The following ZNF320 variants were observed in gnomAD, a reference collection of about 807,000 sequenced individuals.
The protein encoded by ZNF320 is zinc finger gene 320.
Under a neutral mutation model 6.8 loss-of-function variants are expected in ZNF320, and 2 were observed. The observed-to-expected ratio is 0.29, with a 90% CI of 0.12 to 0.93. ZNF320 has a LOEUF of 0.93. Ranked by LOEUF, ZNF320 falls within the 40% of genes least tolerant of loss-of-function variation. The pLI is 0.55. For missense variants in ZNF320, 472 were observed against 611.0 expected (o/e 0.77, Z 2.40); for synonymous variants, 208 against 203.2 (o/e 1.02, Z -0.20).
the ZNF320 span, among the ~76,000 whole-genome samples, chr19:52,904,215 T>C: frequency 3.9e-5 from 6 of 152,240 alleles, no homozygotes; most frequent in South Asian, 2.1e-4. Flanking sequence ...AGGCATTCCA[T>C]TGGGGCAATT....
chr19:52,891,097 C>G (rs909220471), intron 3 of ZNF320, 132 bp downstream of exon 3: 1 of 151,856 alleles, frequency 6.6e-6, no homozygotes, highest in Non-Finnish European at 1.5e-5. Flanking sequence ...TGCAATGGGC[C>G]GAGATCGTGC....
At chr19:52,883,670 C>T (rs867713627) in intron 5 of ZNF320, 2 of 451,434 alleles carry the variant, frequency 4.4e-6, no homozygotes, top group African/African-American at 2.0e-5. Context: ...TAGGCTGAGT[C>T]GGGTGGATCA....
At chr19:52,898,907 G>A (rs895416161), upstream of ZNF320, among the ~76,000 whole-genome samples, 2 of 152,240 alleles carry the variant, frequency 1.3e-5, no homozygotes, top group South Asian at 2.1e-4. Flanking sequence ...TGGCCCCGGG[G>A]CTGCCTGTCT....
chr19:52,859,800 G>T (rs1435504689), downstream of ZNF320, among the ~76,000 whole-genome samples: 2 of 150,850 alleles, frequency 1.3e-5, no homozygotes, highest in Non-Finnish European at 3.0e-5. Context: ...CAGGTAAACT[G>T]TTTTTTTTTA....
downstream of ZNF320, among the ~76,000 whole-genome samples, chr19:52,875,464 G>A (rs544095281): frequency 8.5e-4 from 130 of 152,278 alleles, no homozygotes; most frequent in African/African-American, 3.0e-3. Flanking sequence ...GTCTAATCCC[G>A]TTTTTCCATT....
chr19:52,884,945 C>T (rs2064029735), intron 5 of ZNF320, among the ~76,000 whole-genome samples: 1 of 152,056 alleles, frequency 6.6e-6, no homozygotes, highest in African/African-American at 2.4e-5. Context: ...GCATGGTAAT[C>T]CCAGCATTTT....
At position 52,881,085 on chromosome 19, in the gene ZNF320, A is replaced by G. The variant is rs753436135; in HGVS notation, c.1041T>C (p.His347=). The G allele has an allele frequency of 3.1e-6, 5 of 1,613,946 alleles. No homozygotes were observed. Among genetic ancestry groups the G allele is most frequent in the East Asian group, 4.5e-5 (2 of 44,882 alleles). The change falls in exon 6 of 6, where the codon CAT becomes CAC. Residue 347 remains histidine, a synonymous_variant. Coordinates refer to ENST00000682928, the MANE Select transcript of ZNF320 (RefSeq NM_001351774.2). ...GTTTCTCTCCAGTATGAATCCTCCT[A>G]TGTCTTTCAAGATGTGATTTGCGAC... ...VFSRKSHLER[H]RRIHTGEKPY...
Position 52,881,013 on chromosome 19 carries a change from A to C in ZNF320, c.1113T>G (p.Arg371=), listed in dbSNP as rs1436320841. The change falls in exon 6 of 6, where the codon CGT becomes CGG. Residue 371 remains arginine (R), a synonymous_variant. Transcript: ENST00000682928. ...TATGAACTCTCTGATGTTCTGCAAGACGTGAATCACTCCGGAAAGCCTTGT... is the reference window on the plus strand; with the variant it reads ...TATGAACTCTCTGATGTTCTGCAAGCCGTGAATCACTCCGGAAAGCCTTGT... ...VCDKAFRSDS[R]LAEHQRVHTG... 1 of 1,612,984 alleles carries C rather than the reference A, an allele frequency of 6.2e-7. No homozygotes were observed. Among genetic ancestry groups the C allele is most frequent in the Admixed American group, 1.7e-5 (1 of 59,926 alleles).
At chr19:52,888,008 T>G in intron 5 of ZNF320, 119 bp downstream of exon 5, 1 of 1,492,074 alleles carries the variant, frequency 6.7e-7, no homozygotes, top group South Asian at 1.3e-5. Flanking sequence ...AGCTTTTCAT[T>G]TCAAAATCAA....
At chr19:52,887,199 G>C (rs2064119657) in intron 5 of ZNF320, among the ~76,000 whole-genome samples, 1 of 152,002 alleles carries the variant, frequency 6.6e-6, no homozygotes, top group Non-Finnish European at 1.5e-5. Context: ...GCCCATCTGA[G>C]CTCTTACCTG....
At chr19:52,870,156 C>G (rs1005661089) in intron 5 of ZNF320, among the ~76,000 whole-genome samples, 11 of 152,058 alleles carry the variant, frequency 7.2e-5, no homozygotes, top group Non-Finnish European at 1.6e-4. Flanking sequence ...TTACTATTAA[C>G]TCATTATTGT....
At chr19:52,869,126 T>C (rs10406919) in intron 5 of ZNF320, among the ~76,000 whole-genome samples, 2,343 of 147,014 alleles carry the variant, frequency 0.016, 29 homozygotes, top group African/African-American at 0.047. Context: ...ATAATTCCAC[T>C]AGGATAGACC....
chr19:52,874,970 G>T (rs1188683894), downstream of ZNF320, among the ~76,000 whole-genome samples: 3 of 152,166 alleles, frequency 2.0e-5, no homozygotes, highest in African/African-American at 7.2e-5. Flanking sequence ...ACAGGCAGGA[G>T]ATGAAGTCAG....
rs977854485 is a variant in ZNF320 at position 52,877,019 on chromosome 19, A to T, written c.*3577T>A. 1 of 152,176 alleles carries T rather than the reference A, an allele frequency of 6.6e-6. No individual in the cohort carries two copies. The highest frequency in any genetic ancestry group is 2.4e-5 in the African/African-American group (1 of 41,404). The allele number at this position is 152,176 out of a possible 1,614,324, so 9.4% of individuals were successfully genotyped here. ...CAACTTTGGAGGCTGAGGTGGGAGG[A>T]TCCCTTGAACCCAGGAGATTGAAGC... On this transcript the variant is annotated 3_prime_UTR_variant, in exon 6 of 6. Transcript: ENST00000682928.
At position 52,865,776 on chromosome 19, in the gene ZNF320, TTTA is replaced by T. The variant is rs1174007609; in HGVS notation, c.224-1620_224-1618del. Among the ~76,000 whole-genome samples, 105 of 124,878 alleles carry T rather than the reference TTTA, an allele frequency of 8.4e-4. 1 individual carries two copies. Among genetic ancestry groups the T allele is most frequent in the Middle Eastern group, 7.1e-3 (1 of 140 alleles). The allele number at this position is 124,878 out of a possible 152,430, so 81.9% of individuals were successfully genotyped here. A position where few individuals can be genotyped will look rare whatever the true frequency, so the allele number is the denominator to read the frequency against. On this transcript the variant is annotated intron_variant, in intron 5 of 5. Coordinates refer to the ZNF320 transcript ENST00000673631. Reference sequence around the variant, plus strand: ...TTATATATATGATTATACACATATATTTATATATATGATTATACACATATATTT... The same window carrying T: ...TTATATATATGATTATACACATATATTATATATGATTATACACATATATTT...
intron 5 of ZNF320, among the ~76,000 whole-genome samples, chr19:52,866,618 C>T (rs540914789): frequency 6.6e-6 from 1 of 152,188 alleles, no homozygotes; most frequent in Non-Finnish European, 1.5e-5. Flanking sequence ...CGCATGTAAT[C>T]CCAGTACTTT....
intron 5 of ZNF320, among the ~76,000 whole-genome samples, chr19:52,865,087 A>T (rs10414773): frequency 9.2e-5 from 14 of 151,836 alleles, no homozygotes; most frequent in African/African-American, 3.1e-4. Flanking sequence ...TTTGGGAGGC[A>T]GAGGTGGGCA....
At chr19:52,895,161 G>A (rs1254549283) in intron 1 of ZNF320, 1 of 152,120 alleles carries the variant, frequency 6.6e-6, no homozygotes, top group Non-Finnish European at 1.5e-5. Context: ...TTTGATGTTA[G>A]CGTAAAGAAG....
At position 52,881,527 on chromosome 19, in the gene ZNF320, T is replaced by C; in HGVS notation, c.599A>G (p.His200Arg). ...AGTATGTTTTGCCAGGTGTGAATCA[T>C]GCTTAAAAGCCTTGTCGCAAACCTT... Reference protein sequence around the residue: ...KCKVCDKAFKHDSHLAKHTRI... With the variant: ...KCKVCDKAFKRDSHLAKHTRI... The change falls in exon 6 of 6, where the codon CAT (histidine) becomes CGT (arginine). Residue 200 changes from histidine (H) to arginine (R), a missense_variant. Physicochemically the swap from His to Arg is conservative, Grantham distance 29. Transcript: ENST00000682928. The C allele has an allele frequency of 3.1e-6, 5 of 1,614,078 alleles. No individual in the cohort carries two copies. Among genetic ancestry groups the C allele is most frequent in the Non-Finnish European group, 4.2e-6 (5 of 1,180,008 alleles).
Sources: gnomAD v4.1 joint callset for allele counts (sites outside exome capture counted in the v4.1 genomes callset) on GRCh38, gnomAD v4.1.1 for gene constraint, MANE v1.5 for transcripts, NCBI Gene and HGNC (gene_info 2026-07-23, HGNC 2026-07-21) for gene names.